Variants in MYO1E observed in about 807,000 individuals in gnomAD.
The protein encoded by MYO1E is myosin IE.
MYO1E carries 68 observed loss-of-function variants against 151.1 expected under a neutral mutation model. That is an observed-to-expected ratio of 0.45 (90% CI 0.37 to 0.55). The LOEUF is 0.55. Among genes scored for constraint, MYO1E ranks in the 20% least tolerant of loss-of-function variants. The pLI is 0.00. For missense variants in MYO1E, 1,363 were observed against 1,389.3 expected (o/e 0.98, Z 0.30); for synonymous variants, 601 against 501.7 (o/e 1.20, Z -2.64).
At chr15:59,207,433 A>G in intron 14 of MYO1E, 2 of 1,614,086 alleles carry the variant, frequency 1.2e-6, no homozygotes, top group Non-Finnish European at 1.7e-6. Context: ...AAATGTGGCC[A>G]TCTTCAAGTT....
intron 1 of MYO1E, among the ~76,000 whole-genome samples, chr15:59,330,639 T>C (rs780134757): frequency 6.6e-6 from 1 of 152,204 alleles, no homozygotes; most frequent in Non-Finnish European, 1.5e-5. Flanking sequence ...GTATTTACAA[T>C]AGCACCCTCC....
Position 59,223,188 on chromosome 15 carries a change from C to G in MYO1E, c.781G>C (p.Ala261Pro). The G allele has an allele frequency of 6.2e-7, 1 of 1,614,080 alleles. No individual in the cohort carries two copies. The highest frequency in any genetic ancestry group is 8.5e-7 in the Non-Finnish European group (1 of 1,180,016). Residue 261 changes from alanine to proline, a missense_variant, in exon 9 of 28, where the codon GCC becomes CCC. Physicochemically the swap from Ala to Pro is conservative, Grantham distance 27. Coordinates refer to ENST00000288235, the MANE Select transcript of MYO1E (RefSeq NM_004998.4). ...DRREFQETLH[A>P]MNVIGIFAEE... ...GCAAAGATCCCAATCACATTCATGG[C>G]GTGCTGGAAGAGAAAAGAGAAACTA...
chr15:59,362,294 C>G (rs2080890315), intron 1 of MYO1E, among the ~76,000 whole-genome samples: 1 of 152,206 alleles, frequency 6.6e-6, no homozygotes, highest in South Asian at 2.1e-4. Flanking sequence ...TTACCAAACA[C>G]TACCCTTGTG....
At chr15:59,194,539 T>C (rs12593888) in intron 17 of MYO1E, among the ~76,000 whole-genome samples, 116,893 of 152,114 alleles carry the variant, frequency 0.77, 47,483 homozygotes, top group East Asian at 0.92. Flanking sequence ...AAACCTGGAG[T>C]TCTTCACTCG....
chr15:59,272,563 A>T (rs368889164), intron 1 of MYO1E, 114 bp from the exon 2 acceptor site: 3 of 1,161,006 alleles, frequency 2.6e-6, no homozygotes, highest in Non-Finnish European at 3.8e-6. Flanking sequence ...CAGAAAGAGC[A>T]GTGCAGAGAA....
intron 4 of MYO1E, among the ~76,000 whole-genome samples, chr15:59,248,904 G>A (rs16941181): frequency 0.02 from 3,115 of 152,272 alleles, 120 homozygotes; most frequent in African/African-American, 0.071. Context: ...CGTGGACTGT[G>A]TTCCAGGGCA....
intron 1 of MYO1E, among the ~76,000 whole-genome samples, chr15:59,369,616 G>GACCTCCACTATAA (rs2080933323): frequency 1.3e-5 from 2 of 151,960 alleles, no homozygotes; most frequent in African/African-American, 2.4e-5. Context: ...GATGTGCAGG[G>GACCTCCACTATAA]TTTTTTTTAA....
At position 59,150,396 on chromosome 15, in the gene MYO1E, A is replaced by G. The variant is rs570335988; in HGVS notation, c.3080+3194T>C. The stretch of plus-strand genomic sequence containing the variant: ...GCCTTGGTTAAGACACAGTGTTCCT[A>G]AATTGCCTACTTTTGGCTGACAGAT... On this transcript the variant is annotated intron_variant, in intron 26 of 27. Coordinates refer to ENST00000288235, the MANE Select transcript of MYO1E (RefSeq NM_004998.4). 2.4e-4 allele frequency among the ~76,000 whole-genome samples: 36 copies of G among 152,316 alleles called. No individual in the cohort carries two copies. The South Asian group carries it at 5.0e-3, about 21-fold the overall frequency.
rs1444180103 is a variant in MYO1E, at chr15:59,366,995, CGCAAAAA to C, written c.3+5496_3+5502del. 8.6e-4 allele frequency among the ~76,000 whole-genome samples: 92 copies of C among 107,302 alleles called. 1 individual carries two copies. The East Asian group carries it at 9.3e-3, about 11-fold the overall frequency. 70.4% of individuals were successfully genotyped at this position (107,302 alleles called of 152,430 possible). A position where few individuals can be genotyped will look rare whatever the true frequency, so the allele number is the denominator to read the frequency against. On this transcript the variant is annotated intron_variant, in intron 1 of 27. Transcript: ENST00000288235. ...GTAAAAACACAAGTTGCTGCATTTT[CGCAAAAA>C]AAAAAAAAAAAAAAAAAAAAGAGAT...
intron 1 of MYO1E, among the ~76,000 whole-genome samples, chr15:59,349,684 C>T (rs764152338): frequency 6.6e-6 from 1 of 152,200 alleles, no homozygotes; most frequent in Admixed American, 6.5e-5. Context: ...AACTGAGGCA[C>T]TCTACATCTG....
intron 1 of MYO1E, among the ~76,000 whole-genome samples, chr15:59,368,068 G>A (rs117095521): frequency 0.02 from 2,976 of 152,226 alleles, 45 homozygotes; most frequent in African/African-American, 0.041. Flanking sequence ...ATAGTGAACC[G>A]AGATCGCGCC....
chr15:59,205,073 G>C (rs1274791274), intron 15 of MYO1E, among the ~76,000 whole-genome samples: 1 of 152,234 alleles, frequency 6.6e-6, no homozygotes, highest in Non-Finnish European at 1.5e-5. Context: ...AAACCAAATA[G>C]ATTAAATGAT....
At chr15:59,228,845 C>T (rs1340379880) in intron 6 of MYO1E, among the ~76,000 whole-genome samples, 1 of 152,214 alleles carries the variant, frequency 6.6e-6, no homozygotes, top group East Asian at 1.9e-4. Context: ...TGTGTGAGTA[C>T]ATGCCGTGTT....
intron 1 of MYO1E, among the ~76,000 whole-genome samples, chr15:59,330,909 A>T (rs1470368932): frequency 6.6e-6 from 1 of 152,122 alleles, no homozygotes; most frequent in Admixed American, 6.6e-5. Context: ...AGCTGGGACC[A>T]CAGGCATGCA....
chr15:59,250,696 G>A (rs2080159502), intron 4 of MYO1E, among the ~76,000 whole-genome samples: 1 of 152,182 alleles, frequency 6.6e-6, no homozygotes, highest in Non-Finnish European at 1.5e-5. Flanking sequence ...TGCAGCTGAT[G>A]TCTGCAGGGT....
intron 3 of MYO1E, among the ~76,000 whole-genome samples, chr15:59,260,763 G>A (rs1402472477): frequency 6.6e-6 from 1 of 151,744 alleles, no homozygotes; most frequent in Non-Finnish European, 1.5e-5. Context: ...AGTACCCATT[G>A]CTCTATTTTT....
intron 10 of MYO1E, among the ~76,000 whole-genome samples, chr15:59,217,014 T>C (rs191987849): frequency 2.0e-5 from 3 of 152,210 alleles, no homozygotes; most frequent in East Asian, 3.9e-4. Context: ...AGCAAGGGGC[T>C]GAGACCTCCT....
chr15:59,163,388 C>A, intron 22 of MYO1E, 85 bp from the exon 23 acceptor site: 2 of 1,405,778 alleles, frequency 1.4e-6, no homozygotes, highest in Middle Eastern at 2.1e-4. Flanking sequence ...TTTTAAAAAT[C>A]CTGCAAGATA....
rs1324701573 is a variant in MYO1E, at chr15:59,227,695, TAC to T, written c.511-107_511-106del. Reference sequence around the variant, plus strand: ...AATTCAAGGAAATTCATTAATAAAATACACATTCTGAATTACTCCTAATTTGA... The same window carrying T: ...AATTCAAGGAAATTCATTAATAAAATACATTCTGAATTACTCCTAATTTGA... On this transcript the variant is annotated intron_variant, in intron 6 of 27. Coordinates refer to ENST00000288235, the MANE Select transcript of MYO1E (RefSeq NM_004998.4). 3.5e-5 allele frequency: 51 copies of T among 1,439,772 alleles called. No homozygotes were observed. In the African/African-American group the frequency reaches 6.7e-4, roughly 19 times the overall value. 89.2% of individuals were successfully genotyped at this position (1,439,772 alleles called of 1,614,324 possible).
Sources: allele counts gnomAD v4.1 joint callset (sites outside exome capture counted in the v4.1 genomes callset), GRCh38; gene constraint gnomAD v4.1.1; transcripts MANE v1.5; gene names NCBI Gene and HGNC (gene_info 2026-07-23, HGNC 2026-07-21).